Variants in ALG12 observed in about 807,000 individuals in gnomAD.
The protein encoded by ALG12 is ALG12 alpha-1,6-mannosyltransferase.
In ALG12, 36 loss-of-function variants were observed where a neutral mutation model predicts 46.0. The ratio of observed to expected loss-of-function variants is 0.78; its 90% confidence interval spans 0.60 to 1.03. ALG12 has a LOEUF of 1.03. Ranked by LOEUF, ALG12 falls within the 50% of genes least tolerant of loss-of-function variation. The pLI, the probability that ALG12 is intolerant of heterozygous loss-of-function variation, is 0.00. For synonymous variants in ALG12, 326 were observed against 291.6 expected, an observed-to-expected ratio of 1.12 and a Z score of -1.20; for missense variants, 599 against 633.5, an observed-to-expected ratio of 0.95 and a Z score of 0.58.
chr22:49,908,901 A>G lies in ALG12; in HGVS notation c.768+343T>C, dbSNP rs11703253. 0.2 allele frequency among the ~76,000 whole-genome samples: 30,700 copies of G among 150,754 alleles called. 3,288 individuals carry two copies. The highest frequency in any genetic ancestry group is 0.37 in the South Asian group (1,727 of 4,724). On this transcript the variant is annotated intron_variant, in intron 6 of 9. Coordinates refer to ENST00000330817, the MANE Select transcript of ALG12 (RefSeq NM_024105.4). The stretch of plus-strand genomic sequence containing the variant: ...AGGGAGGTGGAGGTTGCAGTGAGCC[A>G]AGATCATACCACTGTACTCCAGCCT...
At chr22:49,908,371 T>C (rs1221282208) in intron 6 of ALG12, among the ~76,000 whole-genome samples, 1 of 142,496 alleles carries the variant, frequency 7.0e-6, no homozygotes, top group Non-Finnish European at 1.6e-5. Context: ...CTACTACAAA[T>C]ACAAAAATTA....
At chr22:49,885,609 C>A in the ALG12 span, 4 of 1,609,940 alleles carry the variant, frequency 2.5e-6, no homozygotes, top group Non-Finnish European at 3.4e-6. Context: ...AGAAGTTTTA[C>A]GATTCTCACC....
chr22:49,914,988 T>C (rs1243103974), intron 1 of ALG12, among the ~76,000 whole-genome samples: 1 of 152,256 alleles, frequency 6.6e-6, no homozygotes, highest in African/African-American at 2.4e-5. Flanking sequence ...CTTGGCCTCC[T>C]GAAGTATTGG....
chr22:49,910,620 A>C lies in ALG12; in HGVS notation c.296-13T>G, dbSNP rs2060571453. 1 of 1,614,046 alleles carries C rather than the reference A, an allele frequency of 6.2e-7. No individual in the cohort carries two copies. Among genetic ancestry groups the C allele is most frequent in the Admixed American group, 1.7e-5 (1 of 60,032 alleles). ...AGCACTCCTCTAACTAAACAAAGAC[A>C]GTGACAGCACCTGAGCCTGCAGTGG... On this transcript the variant is annotated splice_polypyrimidine_tract_variant and intron_variant, in intron 3 of 9. Coordinates refer to ENST00000330817, the MANE Select transcript of ALG12 (RefSeq NM_024105.4).
At chr22:49,907,140 C>T (rs1347264338) in intron 7 of ALG12, among the ~76,000 whole-genome samples, 2 of 152,162 alleles carry the variant, frequency 1.3e-5, no homozygotes, top group African/African-American at 4.8e-5. Flanking sequence ...CCAGATGACC[C>T]GCCTTGACAA....
At chr22:49,885,855 G>T in the ALG12 span, 1 of 1,443,182 alleles carries the variant, frequency 6.9e-7, no homozygotes. Context: ...TCCACTTCAC[G>T]TCTGGAATAT....
the ALG12 span, chr22:49,885,543 C>T: frequency 1.2e-6 from 2 of 1,606,318 alleles, no homozygotes; most frequent in South Asian, 1.1e-5. Flanking sequence ...CTCCGGACAC[C>T]CGGGTGCCGC....
At chr22:49,888,187 G>A in the ALG12 span, 1 of 167,116 alleles carries the variant, frequency 6.0e-6, no homozygotes, top group African/African-American at 2.4e-5. Context: ...AAATCCCAAG[G>A]ACATCAGAGT....
In ALG12 at chr22:49,904,337, C is replaced by T; in HGVS notation, c.1162G>A (p.Asp388Asn). Residue 388 changes from aspartate (D) to asparagine (N), a missense_variant and splice_region_variant, in exon 8 of 10, where the codon GAC becomes AAC. Physicochemically the swap from Asp to Asn is conservative, Grantham distance 23 (BLOSUM62 1). Coordinates refer to ENST00000330817, the MANE Select transcript of ALG12 (RefSeq NM_024105.4). ...RLHQLVPPQT[D>N]VLLHIDVAAA... ...CCCAGGCAGTGCCCCCAGCACCCAC[C>T]TGTCTGGGGGGGCACCAGCTGGTGC... 6.2e-7 allele frequency: 1 copy of T among 1,614,224 alleles called. No individual in the cohort carries two copies. The highest frequency in any genetic ancestry group is 1.1e-5 in the South Asian group (1 of 91,086).
the ALG12 span, chr22:49,884,499 G>T: frequency 6.2e-7 from 1 of 1,614,162 alleles, no homozygotes; most frequent in Non-Finnish European, 8.5e-7. Flanking sequence ...CACTTCCAAA[G>T]AGCACCTCTG....
intron 3 of ALG12, 41 bp from the exon 4 acceptor site, chr22:49,910,648 G>A (rs1270611016): frequency 2.5e-6 from 4 of 1,613,220 alleles, no homozygotes; most frequent in East Asian, 2.2e-5. Context: ...TGCAGTGGAG[G>A]AGTATCCAGT....
At chr22:49,877,804 G>T in the ALG12 span, among the ~76,000 whole-genome samples, 1 of 151,982 alleles carries the variant, frequency 6.6e-6, no homozygotes, top group African/African-American at 2.4e-5. Flanking sequence ...TGTGTCTTCT[G>T]CCCCTCGTGG....
At chr22:49,863,410 C>T in the ALG12 span, among the ~76,000 whole-genome samples, 1 of 152,180 alleles carries the variant, frequency 6.6e-6, no homozygotes, top group Non-Finnish European at 1.5e-5. Context: ...AGGCGGATCA[C>T]GAGGTCAAGA....
chr22:49,871,347 G>A, the ALG12 span, among the ~76,000 whole-genome samples: 1 of 152,086 alleles, frequency 6.6e-6, no homozygotes, highest in African/African-American at 2.4e-5. Flanking sequence ...TTAGCTGGGT[G>A]TGGTGGCACG....
chr22:49,904,109 C>T lies in ALG12; in HGVS notation c.1239-43G>A, dbSNP rs199610216. 51 of 1,613,848 alleles carry T rather than the reference C, an allele frequency of 3.2e-5. 1 individual carries two copies. The highest frequency in any genetic ancestry group is 3.1e-4 in the South Asian group (28 of 91,078). Reference sequence around the variant, plus strand: ...GTGGTCCTGCCCAGGGCCCCCACATCGCCCTGTCCCCCGCCCCCAAGGGGC... The same window carrying T: ...GTGGTCCTGCCCAGGGCCCCCACATTGCCCTGTCCCCCGCCCCCAAGGGGC... On this transcript the variant is annotated intron_variant, in intron 9 of 9. Transcript: ENST00000330817.
At chr22:49,898,103 G>A (rs753033169), downstream of ALG12, among the ~76,000 whole-genome samples, 19 of 149,868 alleles carry the variant, frequency 1.3e-4, no homozygotes, top group African/African-American at 4.9e-5. Context: ...GGGCTCAAGT[G>A]ATCCCTCCTG....
At chr22:49,881,179 C>G in the ALG12 span, among the ~76,000 whole-genome samples, 134 of 152,232 alleles carry the variant, frequency 8.8e-4, 2 homozygotes, top group East Asian at 0.025. Context: ...AACCCCGTCT[C>G]TACTAAAAAT....
the ALG12 span, among the ~76,000 whole-genome samples, chr22:49,883,053 G>A: frequency 6.6e-6 from 1 of 152,206 alleles, no homozygotes; most frequent in Admixed American, 6.5e-5. Flanking sequence ...TCTAGATGAG[G>A]CAACCTCTTT....
At chr22:49,861,787 A>G in the ALG12 span, among the ~76,000 whole-genome samples, 1 of 152,254 alleles carries the variant, frequency 6.6e-6, no homozygotes, top group Non-Finnish European at 1.5e-5. Flanking sequence ...TGTGGGTCCT[A>G]TTGACGGGCT....
Sources: gnomAD v4.1 joint callset for allele counts (sites outside exome capture counted in the v4.1 genomes callset) on GRCh38, gnomAD v4.1.1 for gene constraint, MANE v1.5 for transcripts, NCBI Gene and HGNC (gene_info 2026-07-23, HGNC 2026-07-21) for gene names.